The following RSRC1 variants were observed in gnomAD, a reference collection of about 807,000 sequenced individuals.
The protein encoded by RSRC1 is serine/Arginine-related protein 53.
A neutral mutation model predicts 49.1 loss-of-function variants in RSRC1; 39 were observed. That is an observed-to-expected ratio of 0.79 (90% CI 0.61 to 1.04). The LOEUF (loss-of-function observed/expected upper bound fraction) is 1.04, where lower values mean the gene tolerates loss of function less well. Among genes scored for constraint, RSRC1 ranks in the 50% least tolerant of loss-of-function variants. The pLI is 0.00. For missense variants in RSRC1, 388 were observed against 402.4 expected (o/e 0.96, Z 0.31); for synonymous variants, 143 against 130.8 (o/e 1.09, Z -0.63).
At chr3:158,170,025 T>A (rs1718781184) in intron 3 of RSRC1, among the ~76,000 whole-genome samples, 1 of 152,178 alleles carries the variant, frequency 6.6e-6, no homozygotes, top group South Asian at 2.1e-4. Flanking sequence ...TATATTGATC[T>A]TCTTTAGAAT....
intron 7 of RSRC1, among the ~76,000 whole-genome samples, chr3:158,518,165 T>C (rs1185989364): frequency 7.3e-6 from 1 of 137,706 alleles, no homozygotes; most frequent in African/African-American, 2.8e-5. Flanking sequence ...TTTTTTTTTT[T>C]TTTACTCCCA....
At chr3:158,303,745 T>G (rs1250148344) in intron 5 of RSRC1, among the ~76,000 whole-genome samples, 1 of 152,168 alleles carries the variant, frequency 6.6e-6, no homozygotes, top group Non-Finnish European at 1.5e-5. Flanking sequence ...GGTTGGGTGT[T>G]CATAAACCCA....
At chr3:158,207,408 CTTAA>C (rs1721401813) in intron 4 of RSRC1, among the ~76,000 whole-genome samples, 1 of 151,988 alleles carries the variant, frequency 6.6e-6, no homozygotes, top group Non-Finnish European at 1.5e-5. Context: ...ATTCCTAGGC[CTTAA>C]TTAAGTTTAT....
At chr3:158,397,093 C>T (rs1354171484) in intron 6 of RSRC1, among the ~76,000 whole-genome samples, 1 of 152,152 alleles carries the variant, frequency 6.6e-6, no homozygotes, top group Non-Finnish European at 1.5e-5. Context: ...TATTAGACTT[C>T]TAATACATCT....
In RSRC1 at chr3:158,514,536, C is replaced by A. The variant is rs550780857; in HGVS notation, c.653-22556C>A. On this transcript the variant is annotated intron_variant, in intron 7 of 9. Coordinates refer to ENST00000611884, the MANE Select transcript of RSRC1 (RefSeq NM_001271838.2). Reference sequence around the variant, plus strand: ...TTTGCTGAGGAGAGCTTTACTTCCACGTATGTGGTCAATTTTGGAATAGGT... The same window carrying A: ...TTTGCTGAGGAGAGCTTTACTTCCAAGTATGTGGTCAATTTTGGAATAGGT... Among the ~76,000 whole-genome samples, 1,152 of 151,908 alleles carry A rather than the reference C, an allele frequency of 7.6e-3. 15 individuals are homozygous for A. Among genetic ancestry groups the A allele is most frequent in the African/African-American group, 0.026 (1,055 of 41,358 alleles).
intron 6 of RSRC1, among the ~76,000 whole-genome samples, chr3:158,369,956 G>A (rs973494963): frequency 1.3e-5 from 2 of 151,950 alleles, no homozygotes; most frequent in African/African-American, 2.4e-5. Context: ...GAATCATAGT[G>A]TAACTTGTCT....
chr3:158,427,542 A>G (rs781708059), intron 6 of RSRC1, among the ~76,000 whole-genome samples: 5 of 151,778 alleles, frequency 3.3e-5, no homozygotes, highest in Non-Finnish European at 7.4e-5. Flanking sequence ...CGCTTGACCA[A>G]ATTTTTTAAT....
At chr3:158,180,722 C>G (rs984697128) in intron 3 of RSRC1, among the ~76,000 whole-genome samples, 11 of 151,698 alleles carry the variant, frequency 7.3e-5, no homozygotes, top group African/African-American at 2.4e-4. Flanking sequence ...CCTGCCTCGG[C>G]CTCCCAAAGT....
chr3:158,280,353 C>T (rs827101), intron 4 of RSRC1, among the ~76,000 whole-genome samples: 68,344 of 151,926 alleles, frequency 0.45, 15,710 homozygotes, highest in East Asian at 0.64. Flanking sequence ...TTTTTCATAT[C>T]ACATATTTAC....
At chr3:158,491,966 A>G (rs997906912) in intron 7 of RSRC1, among the ~76,000 whole-genome samples, 22 of 152,202 alleles carry the variant, frequency 1.4e-4, no homozygotes, top group Non-Finnish European at 2.9e-4. Context: ...TCACACTGCT[A>G]TAAAGAACTA....
At chr3:158,489,290 C>T (rs916367003) in intron 7 of RSRC1, among the ~76,000 whole-genome samples, 3 of 152,146 alleles carry the variant, frequency 2.0e-5, no homozygotes, top group African/African-American at 7.2e-5. Flanking sequence ...TCAAATCTTT[C>T]TTTATACTTT....
intron 6 of RSRC1, among the ~76,000 whole-genome samples, chr3:158,372,431 T>C (rs1042214140): frequency 7.2e-5 from 11 of 151,904 alleles, no homozygotes; most frequent in African/African-American, 2.7e-4. Context: ...AAATTGCCTT[T>C]GTACCTTTGC....
intron 6 of RSRC1, among the ~76,000 whole-genome samples, chr3:158,450,581 T>C (rs1417226808): frequency 1.3e-5 from 2 of 151,904 alleles, no homozygotes; most frequent in African/African-American, 4.8e-5. Context: ...TTCTGTGCTG[T>C]GCATGTAAAG....
intron 6 of RSRC1, among the ~76,000 whole-genome samples, chr3:158,382,992 GT>G (rs1732780734): frequency 6.6e-6 from 1 of 152,052 alleles, no homozygotes; most frequent in African/African-American, 2.4e-5. Flanking sequence ...TTGATGCCTA[GT>G]TTTTAAACCT....
intron 3 of RSRC1, among the ~76,000 whole-genome samples, chr3:158,191,358 CTTTA>C (rs1720229969): frequency 6.6e-6 from 1 of 151,952 alleles, no homozygotes; most frequent in African/African-American, 2.4e-5. Context: ...TAAATGTAAT[CTTTA>C]TTTATAGATA....
At chr3:158,124,820 C>CT (rs35329457) in intron 3 of RSRC1, among the ~76,000 whole-genome samples, 77 of 120,552 alleles carry the variant, frequency 6.4e-4, no homozygotes, top group Middle Eastern at 4.2e-3. Context: ...TTCTTTCTTT[C>CT]TTTTTTTTTT....
chr3:158,384,354 A>G (rs1005536251), intron 6 of RSRC1, among the ~76,000 whole-genome samples: 1 of 152,176 alleles, frequency 6.6e-6, no homozygotes, highest in African/African-American at 2.4e-5. Flanking sequence ...GAAGTAATAT[A>G]GGCAAGCCAG....
At chr3:158,120,215 A>G (rs1715155159) in intron 1 of RSRC1, among the ~76,000 whole-genome samples, 1 of 152,176 alleles carries the variant, frequency 6.6e-6, no homozygotes, top group Non-Finnish European at 1.5e-5. Flanking sequence ...AAACTGGCTT[A>G]GATATGTAAG....
chr3:158,122,789 C>T (rs1715363348), intron 2 of RSRC1, among the ~76,000 whole-genome samples: 1 of 151,384 alleles, frequency 6.6e-6, no homozygotes, highest in African/African-American at 2.4e-5. Context: ...TCCAAGAGTT[C>T]TCATTGTTCA....
Sources: gnomAD v4.1 joint callset for allele counts (sites outside exome capture counted in the v4.1 genomes callset) on GRCh38, gnomAD v4.1.1 for gene constraint, MANE v1.5 for transcripts, NCBI Gene and HGNC (gene_info 2026-07-23, HGNC 2026-07-21) for gene names.